The following GADL1 variants were observed in gnomAD, a reference collection of about 807,000 sequenced individuals.
GADL1 encodes acidic amino acid decarboxylase GADL1.
Under a neutral mutation model 69.5 loss-of-function variants are expected in GADL1, and 71 were observed. The observed-to-expected ratio is 1.02, with a 90% CI of 0.84 to 1.25. The LOEUF is 1.25. Ranked by LOEUF, GADL1 falls within the 50% of genes most tolerant of loss-of-function variation. The probability of loss-of-function intolerance (pLI) is 0.00; values close to 1 mark genes in which losing one functional copy is unlikely to be tolerated. For missense variants in GADL1, 737 were observed against 631.8 expected, an observed-to-expected ratio of 1.17 and a Z score of -1.79; for synonymous variants, 254 against 214.4, an observed-to-expected ratio of 1.18 and a Z score of -1.62.
At chr3:30,773,734 TA>T (rs1199988901) in intron 14 of GADL1, among the ~76,000 whole-genome samples, 1 of 152,230 alleles carries the variant, frequency 6.6e-6, no homozygotes, top group Non-Finnish European at 1.5e-5. Context: ...TATTTTAAAA[TA>T]ATGCCTATGA....
At chr3:30,765,809 A>C (rs1436685040) in intron 14 of GADL1, among the ~76,000 whole-genome samples, 2 of 152,236 alleles carry the variant, frequency 1.3e-5, no homozygotes, top group African/African-American at 2.4e-5. Flanking sequence ...ATTGTAATGC[A>C]TCATCCCTAT....
At chr3:30,729,347 G>A (rs886488614) in intron 14 of GADL1, among the ~76,000 whole-genome samples, 2 of 152,128 alleles carry the variant, frequency 1.3e-5, no homozygotes, top group Non-Finnish European at 2.9e-5. Context: ...GGAAATACAA[G>A]CAAAGTTTTT....
At chr3:30,817,325 A>C (rs1697493869) in intron 11 of GADL1, among the ~76,000 whole-genome samples, 2 of 152,206 alleles carry the variant, frequency 1.3e-5, no homozygotes, top group South Asian at 4.1e-4. Flanking sequence ...CCAATATCAG[A>C]TTCTAGAATA....
At chr3:30,885,677 T>G (rs1375399752) in intron 1 of GADL1, among the ~76,000 whole-genome samples, 2 of 152,066 alleles carry the variant, frequency 1.3e-5, no homozygotes, top group Non-Finnish European at 2.9e-5. Context: ...AAAACAGACT[T>G]CTATATAAAC....
chr3:30,892,831 C>A (rs758314919), intron 1 of GADL1, among the ~76,000 whole-genome samples: 1 of 152,112 alleles, frequency 6.6e-6, no homozygotes, highest in African/African-American at 2.4e-5. Flanking sequence ...CTTTTCAATC[C>A]ATTCTCAAAT....
intron 8 of GADL1, among the ~76,000 whole-genome samples, chr3:30,839,694 T>C (rs1188956105): frequency 6.6e-6 from 1 of 152,090 alleles, no homozygotes; most frequent in East Asian, 1.9e-4. Flanking sequence ...AAATAGGTGC[T>C]GCAACAGAGA....
chr3:30,732,911 G>C (rs1695481715), intron 14 of GADL1, among the ~76,000 whole-genome samples: 1 of 152,096 alleles, frequency 6.6e-6, no homozygotes, highest in South Asian at 2.1e-4. Context: ...ACAAAAATTA[G>C]CTGGGTGAGG....
intron 11 of GADL1, among the ~76,000 whole-genome samples, chr3:30,820,433 T>C (rs931130238): frequency 6.6e-6 from 1 of 152,096 alleles, no homozygotes. Flanking sequence ...TTTATACTGA[T>C]AAAATCATAT....
intron 8 of GADL1, among the ~76,000 whole-genome samples, chr3:30,841,677 CAT>C (rs1258635709): frequency 6.6e-6 from 1 of 152,144 alleles, no homozygotes; most frequent in East Asian, 1.9e-4. Context: ...GGAATTAGGA[CAT>C]CACTTAATGA....
intron 2 of GADL1, among the ~76,000 whole-genome samples, 173 bp from the exon 3 acceptor site, chr3:30,857,314 A>G (rs919503161): frequency 1.3e-5 from 2 of 152,060 alleles, no homozygotes; most frequent in Non-Finnish European, 2.9e-5. Context: ...GATGGGACCA[A>G]TGAGGGGCGC....
intron 14 of GADL1, among the ~76,000 whole-genome samples, chr3:30,773,525 A>G (rs1696466193): frequency 1.3e-5 from 2 of 152,206 alleles, no homozygotes; most frequent in African/African-American, 4.8e-5. Context: ...CCCTTAAAAC[A>G]TAGTATTTTA....
Position 30,894,586 on chromosome 3 carries a change from G to C in GADL1, c.29C>G (p.Pro10Arg). 2 of 1,550,986 alleles carry C rather than the reference G, an allele frequency of 1.3e-6. No individual in the cohort carries two copies. Among genetic ancestry groups the C allele is most frequent in the South Asian group, 2.4e-5 (2 of 83,956 alleles). ...CCGCGCTGAGTCGTTACCGTCCACA[G>C]GACACTGGCGGTCCGAGTCGCTGCT... is the stretch of plus-strand genomic sequence containing the variant. MSSDSDRQCPVDGDIDQQEM... is the reference protein window; with the variant it reads MSSDSDRQCRVDGDIDQQEM... Residue 10 changes from proline (P) to arginine (R), a missense_variant, in exon 1 of 15, where the codon CCT becomes CGT. Transcript: ENST00000282538.
chr3:30,772,590 T>G (rs1224953988), intron 14 of GADL1, among the ~76,000 whole-genome samples: 1 of 152,054 alleles, frequency 6.6e-6, no homozygotes, highest in Non-Finnish European at 1.5e-5. Context: ...AAGCAAAGTG[T>G]ATAGGGCTGG....
chr3:30,768,046 C>G (rs951597799), intron 14 of GADL1, among the ~76,000 whole-genome samples: 2 of 140,400 alleles, frequency 1.4e-5, no homozygotes, highest in Admixed American at 7.1e-5. Context: ...CCCCCCCCCC[C>G]CTTATCCTTA....
chr3:30,878,912 A>G (rs930760019), intron 1 of GADL1, among the ~76,000 whole-genome samples: 12 of 152,050 alleles, frequency 7.9e-5, no homozygotes. Flanking sequence ...AGTAAGTTAA[A>G]CAGTTCGTTT....
intron 11 of GADL1, among the ~76,000 whole-genome samples, chr3:30,807,614 A>G (rs1044840673): frequency 3.9e-5 from 6 of 152,224 alleles, no homozygotes; most frequent in African/African-American, 1.4e-4. Flanking sequence ...TTGAGAGCTA[A>G]GGAGCCATCA....
At chr3:30,747,144 C>T (rs993509491) in intron 14 of GADL1, among the ~76,000 whole-genome samples, 2 of 152,164 alleles carry the variant, frequency 1.3e-5, no homozygotes, top group African/African-American at 2.4e-5. Context: ...GTGATTTGCA[C>T]ATGAAGCATT....
At chr3:30,774,047 C>CAA (rs1376049566) in intron 14 of GADL1, among the ~76,000 whole-genome samples, 1 of 152,036 alleles carries the variant, frequency 6.6e-6, no homozygotes, top group Non-Finnish European at 1.5e-5. Flanking sequence ...GCCAAAGAGA[C>CAA]AAGATTCGAT....
chr3:30,836,633 G>A (rs920746520), intron 9 of GADL1, among the ~76,000 whole-genome samples: 3 of 152,048 alleles, frequency 2.0e-5, no homozygotes, highest in Non-Finnish European at 4.4e-5. Flanking sequence ...AACCAATCTT[G>A]AAAGGGAAGT....
Sources: allele counts gnomAD v4.1 joint callset (sites outside exome capture counted in the v4.1 genomes callset), GRCh38; gene constraint gnomAD v4.1.1; transcripts MANE v1.5; gene names NCBI Gene and HGNC (gene_info 2026-07-23, HGNC 2026-07-21).